The following LSAMP variants were observed in gnomAD, a reference collection of about 807,000 sequenced individuals.
The protein encoded by LSAMP is limbic system-associated membrane protein.
Under a neutral mutation model 38.6 loss-of-function variants are expected in LSAMP, and 7 were observed. The ratio of observed to expected loss-of-function variants is 0.18; its 90% CI spans 0.10 to 0.34. The LOEUF (loss-of-function observed/expected upper bound fraction) is 0.34. LSAMP is among the 10% of genes least tolerant of loss of function. The probability of loss-of-function intolerance (pLI) is 1.00; values close to 1 mark genes in which losing one functional copy is unlikely to be tolerated. For synonymous variants in LSAMP, 154 were observed against 166.8 expected (o/e 0.92, Z 0.59); for missense variants, 313 against 420.0 (o/e 0.75, Z 2.23).
intron 1 of LSAMP, among the ~76,000 whole-genome samples, chr3:116,253,018 A>G (rs2046705168): frequency 6.6e-6 from 1 of 152,214 alleles, no homozygotes; most frequent in Non-Finnish European, 1.5e-5. Context: ...AATCAATACG[A>G]CATTCAACTA....
intron 3 of LSAMP, among the ~76,000 whole-genome samples, chr3:115,905,613 C>CA (rs923792015): frequency 6.6e-6 from 1 of 151,510 alleles, no homozygotes; most frequent in African/African-American, 2.4e-5. Context: ...AACACAAAAC[C>CA]AAAAAAAGGC....
At chr3:116,245,680 A>G (rs1180764677) in intron 1 of LSAMP, among the ~76,000 whole-genome samples, 1 of 152,194 alleles carries the variant, frequency 6.6e-6, no homozygotes, top group Non-Finnish European at 1.5e-5. Flanking sequence ...TTTAAAAATC[A>G]GAATGTATGA....
chr3:116,210,980 C>CA (rs1311166117), intron 1 of LSAMP, among the ~76,000 whole-genome samples: 1 of 150,896 alleles, frequency 6.6e-6, no homozygotes, highest in Non-Finnish European at 1.5e-5. Context: ...TACATACACA[C>CA]AATGGAATAC....
chr3:116,219,729 G>T (rs915716318), intron 1 of LSAMP, among the ~76,000 whole-genome samples: 1 of 152,002 alleles, frequency 6.6e-6, no homozygotes, highest in African/African-American at 2.4e-5. Context: ...CTGATAAGGG[G>T]ATAATATCCA....
chr3:116,234,859 G>A (rs1378947192), intron 1 of LSAMP, among the ~76,000 whole-genome samples: 1 of 152,028 alleles, frequency 6.6e-6, no homozygotes, highest in Non-Finnish European at 1.5e-5. Flanking sequence ...CATGGCACAT[G>A]TGCATTCTTT....
chr3:116,390,324 A>G (rs1235354075), intron 1 of LSAMP, among the ~76,000 whole-genome samples: 6 of 152,172 alleles, frequency 3.9e-5, no homozygotes, highest in Admixed American at 3.3e-4. Context: ...TAGTTTCATG[A>G]TGAAATGAAA....
intron 1 of LSAMP, among the ~76,000 whole-genome samples, chr3:116,210,422 T>C (rs368258988): frequency 8.5e-4 from 130 of 152,334 alleles, no homozygotes; most frequent in African/African-American, 3.1e-3. Flanking sequence ...GCCTCCATCT[T>C]TCTCCATGCT....
intron 2 of LSAMP, among the ~76,000 whole-genome samples, chr3:116,075,154 T>G (rs1352531741): frequency 1.3e-5 from 2 of 150,276 alleles, no homozygotes; most frequent in South Asian, 2.1e-4. Flanking sequence ...TTTTTTTTTT[T>G]TGAGAGAGAG....
chr3:116,100,193 CA>C (rs541263893), intron 1 of LSAMP, among the ~76,000 whole-genome samples: 47 of 151,994 alleles, frequency 3.1e-4, no homozygotes, highest in Admixed American at 2.0e-3. Flanking sequence ...GCAATCCTCC[CA>C]GCTCAGTCTC....
At chr3:115,854,250 A>ATATTATTAT (rs769267859) in intron 3 of LSAMP, among the ~76,000 whole-genome samples, 52 of 124,250 alleles carry the variant, frequency 4.2e-4, no homozygotes, top group Admixed American at 1.9e-3. Context: ...ATATAGTTAA[A>ATATTATTAT]TATTATTATT....
At chr3:116,434,939 A>G (rs1336535280) in intron 1 of LSAMP, among the ~76,000 whole-genome samples, 1 of 152,196 alleles carries the variant, frequency 6.6e-6, no homozygotes, top group Admixed American at 6.5e-5. Context: ...TGCATAGGTC[A>G]TCTCAGGTCC....
chr3:116,327,941 T>A (rs1368307669), intron 1 of LSAMP, among the ~76,000 whole-genome samples: 1 of 152,138 alleles, frequency 6.6e-6, no homozygotes, highest in Non-Finnish European at 1.5e-5. Flanking sequence ...GATGGATGAT[T>A]GTGTGATCAA....
chr3:116,169,134 G>C (rs1710132865), intron 1 of LSAMP, among the ~76,000 whole-genome samples: 2 of 152,160 alleles, frequency 1.3e-5, no homozygotes, highest in Admixed American at 1.3e-4. Context: ...GAGCCCAGGA[G>C]TTCCATTTAC....
chr3:116,182,381 A>G, intron 1 of LSAMP, among the ~76,000 whole-genome samples: 1 of 151,156 alleles, frequency 6.6e-6, no homozygotes, highest in Non-Finnish European at 1.5e-5. Context: ...TTGAACTTAT[A>G]TATATATAGA....
rs1268040540 is a variant in LSAMP, at chr3:116,197,163, A to ACACACACT, written c.156-110608_156-110607insAGTGTGTG. Among the ~76,000 whole-genome samples the ACACACACT allele has an allele frequency of 6.5e-3, 908 of 139,142 alleles. 4 individuals carry two copies. The highest frequency in any genetic ancestry group is 9.3e-3 in the African/African-American group (361 of 38,788). 91.3% of individuals were successfully genotyped at this position (139,142 alleles called of 152,430 possible). A position where few individuals can be genotyped will look rare whatever the true frequency, so the allele number is the denominator to read the frequency against. ...CACACACACACACACACACACACAC[A>ACACACACT]CTCTCTCTCTCTCTCACTCACTTTG... is the stretch of plus-strand genomic sequence containing the variant. On this transcript the variant is annotated intron_variant, in intron 1 of 6. Coordinates refer to ENST00000490035, the MANE Select transcript of LSAMP (RefSeq NM_002338.5).
intron 1 of LSAMP, among the ~76,000 whole-genome samples, chr3:116,130,587 T>C (rs976173484): frequency 3.3e-5 from 5 of 152,332 alleles, no homozygotes; most frequent in Non-Finnish European, 7.4e-5. Flanking sequence ...GTGTTGAAAA[T>C]ATAATTTGAA....
At chr3:115,925,621 A>T (rs1409026474) in intron 3 of LSAMP, among the ~76,000 whole-genome samples, 2 of 152,170 alleles carry the variant, frequency 1.3e-5, no homozygotes, top group Admixed American at 6.5e-5. Context: ...CATTGCAAAA[A>T]TTTTTGGAGT....
At chr3:116,267,146 G>C (rs1463477812) in intron 1 of LSAMP, among the ~76,000 whole-genome samples, 1 of 152,026 alleles carries the variant, frequency 6.6e-6, no homozygotes. Flanking sequence ...GGAATGCAAG[G>C]CAGATGTTAC....
At chr3:116,002,276 G>C (rs1940018290) in intron 3 of LSAMP, among the ~76,000 whole-genome samples, 1 of 152,078 alleles carries the variant, frequency 6.6e-6, no homozygotes, top group Non-Finnish European at 1.5e-5. Flanking sequence ...TTAGTCTTCT[G>C]TTTCCTAGAG....
Sources: gnomAD v4.1 joint callset for allele counts (sites outside exome capture counted in the v4.1 genomes callset) on GRCh38, gnomAD v4.1.1 for gene constraint, MANE v1.5 for transcripts, NCBI Gene and HGNC (gene_info 2026-07-23, HGNC 2026-07-21) for gene names.